Variants in BAD observed in about 807,000 individuals in gnomAD.
BAD encodes the protein bcl2-associated agonist of cell death.
In BAD, 18 loss-of-function variants were observed where a neutral mutation model predicts 17.8. That is an observed-to-expected ratio of 1.01 (90% CI 0.70 to 1.50). The LOEUF (loss-of-function observed/expected upper bound fraction) is 1.50, where lower values mean the gene tolerates loss of function less well. Among genes scored for constraint, BAD ranks in the 40% most tolerant of loss-of-function variants. The probability of loss-of-function intolerance (pLI) is 0.00; values close to 1 mark genes in which losing one functional copy is unlikely to be tolerated. For synonymous variants in BAD, 112 were observed against 91.5 expected, an observed-to-expected ratio of 1.22 and a Z score of -1.28; for missense variants, 294 against 239.3, an observed-to-expected ratio of 1.23 and a Z score of -1.51.
chr11:64,270,898 GAGACAC>G lies in BAD; in HGVS notation c.379-567_379-562del, dbSNP rs1405287834. Among the ~76,000 whole-genome samples, 59 of 86,906 alleles carry G rather than the reference GAGACAC, an allele frequency of 6.8e-4. 3 individuals carry two copies. In the South Asian group the frequency reaches 8.9e-3, roughly 13 times the overall value. The allele number at this position is 86,906 out of a possible 152,430, so 57.0% of individuals were successfully genotyped here. On this transcript the variant is annotated intron_variant, in intron 3 of 3. Coordinates refer to ENST00000309032, the MANE Select transcript of BAD (RefSeq NM_032989.3). ...GACTACAGATCCCAGCATGCCCTGTGAGACACACACACACACACACACACACACACA... is the reference window on the plus strand; with the variant it reads ...GACTACAGATCCCAGCATGCCCTGTGACACACACACACACACACACACACA...
chr11:64,273,373 A>AAAT lies in BAD; in HGVS notation c.188-1573_188-1571dup, dbSNP rs60165855. Among the ~76,000 whole-genome samples, 183 of 152,136 alleles carry AAAT rather than the reference A, an allele frequency of 1.2e-3. 2 individuals are homozygous for AAAT. The East Asian group carries it at 0.012, about 10-fold the overall frequency. ...GGGTGGCAGAGCGAGACTCTGTCTC[A>AAAT]AATAATAATAATAATAACAAAAGAA... On this transcript the variant is annotated intron_variant, in intron 2 of 3. Transcript: ENST00000309032.
intron 2 of BAD, among the ~76,000 whole-genome samples, chr11:64,283,880 C>CT (rs1026544657): frequency 5.3e-5 from 8 of 152,328 alleles, no homozygotes; most frequent in African/African-American, 1.9e-4. Flanking sequence ...AGCGATCCTC[C>CT]TGCCTTGGCC....
intron 2 of BAD, among the ~76,000 whole-genome samples, chr11:64,278,375 T>TATATATATATATTTATATATAA (rs1491342580): frequency 6.8e-6 from 1 of 147,828 alleles, no homozygotes. Context: ...AAAAAAAAAT[T>TATATATATATATTTATATATAA]ATATATATAT....
At chr11:64,277,134 A>G (rs2033128210) in intron 2 of BAD, 4 of 628,956 alleles carry the variant, frequency 6.4e-6, no homozygotes, top group South Asian at 5.4e-5. Context: ...GGTGTTCCAG[A>G]CCGTTTGGAG....
upstream of BAD, chr11:64,284,671 C>T (rs920630421): frequency 7.8e-6 from 12 of 1,535,218 alleles, no homozygotes; most frequent in African/African-American, 1.4e-5. Context: ...GGCCTGCCGC[C>T]TCCCTCCAGC....
At position 64,271,664 on chromosome 11, in the gene BAD, G is replaced by T. The variant is rs2286616; in HGVS notation, c.327C>A (p.Arg109=). ...SAPPNLWAAQ[R]YGRELRRMSD... ...TCATCCTCCGGAGCTCGCGGCCATAGCGCTGTGCTGCCCAGAGGTTGGGGG... is the reference window on the plus strand; with the variant it reads ...TCATCCTCCGGAGCTCGCGGCCATATCGCTGTGCTGCCCAGAGGTTGGGGG... The change falls in exon 3 of 4, where the codon CGC becomes CGA. Residue 109 remains arginine (R), a synonymous_variant. Transcript: ENST00000309032. 269 of 1,508,564 alleles carry T rather than the reference G, an allele frequency of 1.8e-4. 2 individuals carry two copies. The East Asian group carries it at 6.9e-3, about 39-fold the overall frequency. 93.4% of individuals were successfully genotyped at this position (1,508,564 alleles called of 1,614,324 possible).
At chr11:64,283,394 C>T (rs754838942) in intron 2 of BAD, among the ~76,000 whole-genome samples, 4 of 152,202 alleles carry the variant, frequency 2.6e-5, no homozygotes, top group Non-Finnish European at 5.9e-5. Context: ...TTCCAGGTGC[C>T]AAGGCCAGTG....
intron 2 of BAD, among the ~76,000 whole-genome samples, chr11:64,283,452 C>T (rs2033618464): frequency 6.6e-6 from 1 of 152,230 alleles, no homozygotes; most frequent in African/African-American, 2.4e-5. Flanking sequence ...CATAGAACCC[C>T]AGTGTCCATC....
chr11:64,280,896 G>A (rs2033424049), intron 2 of BAD, among the ~76,000 whole-genome samples: 1 of 151,022 alleles, frequency 6.6e-6, no homozygotes, highest in Admixed American at 6.6e-5. Context: ...TTGAACTCCT[G>A]ACCTCAAGTG....
intron 2 of BAD, among the ~76,000 whole-genome samples, chr11:64,273,422 C>A (rs1041182147): frequency 4.6e-5 from 7 of 152,104 alleles, no homozygotes; most frequent in Non-Finnish European, 8.8e-5. Flanking sequence ...TTGTAGGCTG[C>A]AAGTGCACTA....
upstream of BAD, chr11:64,284,687 G>T (rs28417526): frequency 1.3e-6 from 2 of 1,535,618 alleles, no homozygotes; most frequent in Middle Eastern, 1.7e-4. Context: ...CCAGCACCCC[G>T]GGCTCCGGGC....
chr11:64,270,744 G>T, intron 3 of BAD: 1 of 471,628 alleles, frequency 2.1e-6, no homozygotes, highest in Non-Finnish European at 4.2e-6. Context: ...GCAGTGAGCC[G>T]TGATCGCACC....
chr11:64,282,474 C>A (rs1345615519), intron 2 of BAD, among the ~76,000 whole-genome samples: 1 of 152,152 alleles, frequency 6.6e-6, no homozygotes, highest in African/African-American at 2.4e-5. Context: ...GTGGCATGCA[C>A]CTGTGGTCCC....
At chr11:64,271,912 CA>C (rs2032658393) in intron 2 of BAD, 109 bp from the exon 3 acceptor site, 6 of 920,000 alleles carry the variant, frequency 6.5e-6, no homozygotes, top group Non-Finnish European at 8.6e-6. Context: ...GTGGGTCTTC[CA>C]GGGGCGCATC....
chr11:64,270,025 C>T lies in BAD; in HGVS notation c.*184G>A. The T allele has an allele frequency of 8.3e-7, 1 of 1,200,092 alleles. No individual in the cohort carries two copies. Among genetic ancestry groups the T allele is most frequent in the Non-Finnish European group, 1.2e-6 (1 of 851,620 alleles). The allele number at this position is 1,200,092 out of a possible 1,614,324, so 74.3% of individuals were successfully genotyped here. ...GCTGTGGGCGGAAAACCCAAAACTT[C>T]CGATGGGACCAAGCCTTCCGTGGCT... On this transcript the variant is annotated 3_prime_UTR_variant, in exon 4 of 4. Transcript: ENST00000309032.
rs563627061 is a variant in BAD at position 64,274,113 on chromosome 11, C to T, written c.188-2310G>A. Among the ~76,000 whole-genome samples, 4 of 152,308 alleles carry T rather than the reference C, an allele frequency of 2.6e-5. No individual in the cohort carries two copies. The South Asian group carries it at 6.2e-4, about 24-fold the overall frequency. ...CATGACTAAGAAAGCAAGTAGGTGG[C>T]CGGGTGCGGTGGCTTACGCCTTTAA... On this transcript the variant is annotated intron_variant, in intron 2 of 3. Coordinates refer to ENST00000309032, the MANE Select transcript of BAD (RefSeq NM_032989.3).
At chr11:64,280,361 T>C (rs199680403) in intron 2 of BAD, among the ~76,000 whole-genome samples, 1 of 61,556 alleles carries the variant, frequency 1.6e-5, no homozygotes, top group Non-Finnish European at 3.9e-5. Context: ...AATAATAATT[T>C]TTTTTTTTGA....
chr11:64,277,615 A>C (rs2033162038), intron 2 of BAD, among the ~76,000 whole-genome samples: 1 of 152,080 alleles, frequency 6.6e-6, no homozygotes, highest in African/African-American at 2.4e-5. Flanking sequence ...TTAATTTAAA[A>C]AATTTTTAGA....
chr11:64,270,900 GACACACACACACAC>G (rs71045754), intron 3 of BAD, among the ~76,000 whole-genome samples: 12 of 87,654 alleles, frequency 1.4e-4, no homozygotes, highest in Non-Finnish European at 2.1e-4. Flanking sequence ...TGCCCTGTGA[GACACACACACACAC>G]ACACACACAC....
Sources: gnomAD v4.1 joint callset for allele counts (sites outside exome capture counted in the v4.1 genomes callset) on GRCh38, gnomAD v4.1.1 for gene constraint, MANE v1.5 for transcripts, NCBI Gene and HGNC (gene_info 2026-07-23, HGNC 2026-07-21) for gene names.